SFMBT2: variants seen among roughly 807,000 people sequenced by gnomAD.
SFMBT2 encodes Scm like with four mbt domains 2.
SFMBT2 carries 38 observed loss-of-function variants against 110.1 expected under a neutral mutation model. The ratio of observed to expected loss-of-function variants is 0.35; its 90% CI spans 0.27 to 0.45. The LOEUF is 0.45. SFMBT2 is among the 20% of genes least tolerant of loss of function. The probability of loss-of-function intolerance (pLI) is 1.00; values close to 1 mark genes in which losing one functional copy is unlikely to be tolerated. For missense variants in SFMBT2, 1,011 were observed against 1,094.9 expected (o/e 0.92, Z 1.08); for synonymous variants, 425 against 425.4 (o/e 1.00, Z 0.01).
chr10:7,178,668 GC>G (rs1464029308), intron 16 of SFMBT2, among the ~76,000 whole-genome samples: 1 of 152,072 alleles, frequency 6.6e-6, no homozygotes, highest in East Asian at 1.9e-4. Flanking sequence ...ACTTTCTCCT[GC>G]CCCAAGAAAA....
chr10:7,288,414 A>C (rs1251243164), intron 4 of SFMBT2, among the ~76,000 whole-genome samples: 2 of 152,204 alleles, frequency 1.3e-5, no homozygotes, highest in Non-Finnish European at 2.9e-5. Flanking sequence ...TCCTTATTTT[A>C]TACATACTCA....
chr10:7,273,458 G>A (rs767320102), intron 7 of SFMBT2, among the ~76,000 whole-genome samples: 18 of 151,964 alleles, frequency 1.2e-4, no homozygotes, highest in African/African-American at 3.6e-4. Context: ...ACCAACCCCC[G>A]CCCACATTTT....
chr10:7,287,141 C>A (rs1451806043), intron 4 of SFMBT2, among the ~76,000 whole-genome samples: 1 of 131,412 alleles, frequency 7.6e-6, no homozygotes, highest in Non-Finnish European at 1.5e-5. Context: ...GAGGCAGTGG[C>A]GGATCTCAGC....
At chr10:7,175,528 A>G (rs1333738874) in intron 17 of SFMBT2, among the ~76,000 whole-genome samples, 5 of 152,194 alleles carry the variant, frequency 3.3e-5, no homozygotes, top group Non-Finnish European at 7.3e-5. Flanking sequence ...GTGCTGAGGA[A>G]GGCGTCTAAA....
chr10:7,367,968 A>C lies in SFMBT2; in HGVS notation c.196-79T>G. ...CAGAAGATGACAAAAACCACTAAAA[A>C]ATATGGCACTTACAAACAATATTCC... is the stretch of plus-strand genomic sequence containing the variant. On this transcript the variant is annotated intron_variant, in intron 3 of 20. Coordinates refer to ENST00000397167, the MANE Select transcript of SFMBT2 (RefSeq NM_001387889.1). The surrounding 1 kb of genome is among the most constrained non-coding windows in gnomAD (Gnocchi z 6.2). 2 of 1,536,532 alleles carry C rather than the reference A, an allele frequency of 1.3e-6. No homozygotes were observed. Among genetic ancestry groups the C allele is most frequent in the Non-Finnish European group, 1.8e-6 (2 of 1,139,858 alleles).
At chr10:7,201,965 C>G (rs1838970585) in intron 13 of SFMBT2, among the ~76,000 whole-genome samples, 1 of 152,176 alleles carries the variant, frequency 6.6e-6, no homozygotes, top group East Asian at 1.9e-4. Context: ...TGTAAGTACC[C>G]CCAAATTGTA....
chr10:7,274,159 T>G (rs1457402377), intron 7 of SFMBT2, among the ~76,000 whole-genome samples: 1 of 152,180 alleles, frequency 6.6e-6, no homozygotes, highest in African/African-American at 2.4e-5. Context: ...GCAACTTCAG[T>G]AGAAGCAAGT....
chr10:7,385,609 T>C (rs1329126857), intron 1 of SFMBT2, among the ~76,000 whole-genome samples: 1 of 151,990 alleles, frequency 6.6e-6, no homozygotes, highest in African/African-American at 2.4e-5. Flanking sequence ...CACAGCTCCA[T>C]GAAAAGCTTA....
intron 16 of SFMBT2, among the ~76,000 whole-genome samples, chr10:7,184,371 T>G (rs1414292759): frequency 6.6e-6 from 1 of 152,090 alleles, no homozygotes. Context: ...GGAAACCCCT[T>G]TTGCTTGATT....
intron 4 of SFMBT2, among the ~76,000 whole-genome samples, chr10:7,337,523 C>T (rs577485244): frequency 2.0e-5 from 3 of 152,184 alleles, no homozygotes; most frequent in South Asian, 2.1e-4. Flanking sequence ...TAAAAGTGTG[C>T]GGCACCTCCC....
At chr10:7,411,192 T>C (rs1846371488), upstream of SFMBT2, among the ~76,000 whole-genome samples, 1 of 150,410 alleles carries the variant, frequency 6.6e-6, no homozygotes. Flanking sequence ...CCAATTAGCC[T>C]GCGGGACGTG....
intron 16 of SFMBT2, among the ~76,000 whole-genome samples, chr10:7,187,208 T>C (rs1414088600): frequency 1.3e-5 from 2 of 152,238 alleles, no homozygotes; most frequent in Non-Finnish European, 2.9e-5. Flanking sequence ...ATTATATCTG[T>C]GTCCATTAGG....
At chr10:7,360,614 A>AG (rs1844686036) in intron 4 of SFMBT2, among the ~76,000 whole-genome samples, 1 of 152,244 alleles carries the variant, frequency 6.6e-6, no homozygotes. Flanking sequence ...ACCTATATGA[A>AG]GGGTTTTGAT....
chr10:7,271,706 C>T (rs1370638378), intron 7 of SFMBT2, among the ~76,000 whole-genome samples: 1 of 152,162 alleles, frequency 6.6e-6, no homozygotes, highest in African/African-American at 2.4e-5. Context: ...GGGCAATTTA[C>T]TAAAGAAAGA....
Position 7,176,044 on chromosome 10 carries a change from G to T in SFMBT2, c.1930C>A (p.Leu644Met). ...ECCPNLFSPV[L>M]ISENCPENCS... ...TTCTCTGGGCAGTTTTCAGATATCA[G>T]CACAGGACTAAACAAATTTGGACAG... The change falls in exon 17 of 21, where the codon CTG becomes ATG. Residue 644 changes from leucine to methionine, a missense_variant. Physicochemically the swap from Leu to Met is conservative, Grantham distance 15. Transcript: ENST00000397167. 6.2e-7 allele frequency: 1 copy of T among 1,614,190 alleles called. No homozygotes were observed. Among genetic ancestry groups the T allele is most frequent in the South Asian group, 1.1e-5 (1 of 91,088 alleles).
intron 4 of SFMBT2, among the ~76,000 whole-genome samples, chr10:7,351,689 G>T (rs185352227): frequency 1.3e-5 from 2 of 152,060 alleles, no homozygotes; most frequent in Admixed American, 1.3e-4. Flanking sequence ...GAGCTCACAG[G>T]GGGTAAAAAG....
chr10:7,201,439 G>A (rs993920680), intron 13 of SFMBT2, among the ~76,000 whole-genome samples: 5 of 152,146 alleles, frequency 3.3e-5, no homozygotes, highest in South Asian at 2.1e-4. Context: ...GGTCACAGGC[G>A]TGTTATGAAA....
chr10:7,208,207 G>A (rs754314936), intron 11 of SFMBT2, among the ~76,000 whole-genome samples: 18 of 152,120 alleles, frequency 1.2e-4, no homozygotes, highest in Non-Finnish European at 2.5e-4. Flanking sequence ...GTGTGGGATT[G>A]ATTCCCCAGA....
chr10:7,182,462 C>T (rs1564370795), intron 16 of SFMBT2, among the ~76,000 whole-genome samples: 2 of 152,044 alleles, frequency 1.3e-5, no homozygotes, highest in Non-Finnish European at 2.9e-5. Context: ...GTGAAAAGAA[C>T]AACCCAAATG....
Sources: gnomAD v4.1 joint callset for allele counts (sites outside exome capture counted in the v4.1 genomes callset) on GRCh38, gnomAD v4.1.1 for gene constraint, Gnocchi (gnomAD v3.1) non-coding constraint, MANE v1.5 for transcripts, NCBI Gene and HGNC (gene_info 2026-07-23, HGNC 2026-07-21) for gene names.